Variants in CD8B2 observed in about 807,000 individuals in gnomAD.
CD8B2 encodes the protein CD8B family member 2.
CD8B2 carries 11 observed loss-of-function variants against 23.7 expected under a neutral mutation model. That is an observed-to-expected ratio of 0.46 (90% CI 0.29 to 0.77). The LOEUF (loss-of-function observed/expected upper bound fraction) is 0.77, where lower values mean the gene tolerates loss of function less well. Ranked by LOEUF, CD8B2 falls within the 30% of genes least tolerant of loss-of-function variation. CD8B2 has a pLI of 0.09. For missense variants in CD8B2, 197 were observed against 270.5 expected (o/e 0.73, Z 1.91); for synonymous variants, 90 against 109.3 (o/e 0.82, Z 1.10).
In CD8B2 at chr2:106,491,111, G is replaced by C. The variant is rs2228021; in HGVS notation, c.281G>C (p.Arg94Pro). Residue 94 changes from arginine (R) to proline (P), a missense_variant, in exon 2 of 6, where the codon CGG (arginine) becomes CCG (proline). Arg to Pro is a moderately radical substitution (Grantham distance 103). Around this residue, in one of 3 missense-constraint regions of CD8B2, gnomAD observed 140 missense variants for 164.2 expected, o/e 0.85. Coordinates refer to ENST00000643224, the MANE Select transcript of CD8B2 (RefSeq NM_001349727.2). ...EVEQEKIAVFRDASRFILNLT... is the reference protein window; with the variant it reads ...EVEQEKIAVFPDASRFILNLT... Reference sequence around the variant, plus strand: ...GAACAGGAGAAGATAGCTGTGTTTCGGGATGCAAGCCGGTTCATTCTCAAT... The same window carrying C: ...GAACAGGAGAAGATAGCTGTGTTTCCGGATGCAAGCCGGTTCATTCTCAAT... 1,043,142 of 1,599,402 alleles carry C rather than the reference G, an allele frequency of 0.65. 344,816 individuals are homozygous for C. The highest frequency in any genetic ancestry group is 0.99 in the East Asian group (44,336 of 44,640).
At chr2:106,500,553 TA>T (rs1558877224) in intron 3 of CD8B2, among the ~76,000 whole-genome samples, 22 of 150,988 alleles carry the variant, frequency 1.5e-4, no homozygotes, top group African/African-American at 5.3e-4. Flanking sequence ...AATAAATAAA[TA>T]AATAAATAAT....
At chr2:106,515,241 G>A (rs1036333159), downstream of CD8B2, among the ~76,000 whole-genome samples, 3 of 152,238 alleles carry the variant, frequency 2.0e-5, no homozygotes, top group Non-Finnish European at 4.4e-5. Flanking sequence ...CTGTCCTTGT[G>A]TAGCTGGGTT....
At chr2:106,515,345 C>T (rs950713883), downstream of CD8B2, among the ~76,000 whole-genome samples, 2 of 152,176 alleles carry the variant, frequency 1.3e-5, no homozygotes, top group Non-Finnish European at 2.9e-5. Context: ...TCATAGACTG[C>T]CCTGTTTGTG....
chr2:106,517,947 C>T (rs893289278), intron 5 of CD8B2, among the ~76,000 whole-genome samples: 7 of 152,136 alleles, frequency 4.6e-5, no homozygotes, highest in Non-Finnish European at 8.8e-5. Flanking sequence ...ATCTCCTGAC[C>T]TCGTGATCCG....
intron 5 of CD8B2, among the ~76,000 whole-genome samples, chr2:106,525,207 C>G (rs1196993509): frequency 1.3e-5 from 2 of 152,166 alleles, no homozygotes; most frequent in African/African-American, 4.8e-5. Context: ...AAAGCATTCA[C>G]TCATCCATAA....
chr2:106,490,542 A>T (rs1408833495), intron 1 of CD8B2, among the ~76,000 whole-genome samples: 2 of 152,196 alleles, frequency 1.3e-5, no homozygotes, highest in African/African-American at 2.4e-5. Flanking sequence ...CATGTCTTTT[A>T]AAAAATTCCA....
intron 3 of CD8B2, among the ~76,000 whole-genome samples, chr2:106,500,555 A>AATAT (rs1679386793): frequency 1.3e-5 from 2 of 151,280 alleles, no homozygotes; most frequent in Non-Finnish European, 3.0e-5. Flanking sequence ...TAAATAAATA[A>AATAT]ATAAATAATT....
chr2:106,528,464 A>G (rs1679946261), intron 5 of CD8B2, among the ~76,000 whole-genome samples: 1 of 152,174 alleles, frequency 6.6e-6, no homozygotes, highest in Non-Finnish European at 1.5e-5. Context: ...AGTTGCAGCT[A>G]CTTTCTTTTG....
chr2:106,537,751 G>A (rs1680111456), intron 5 of CD8B2, among the ~76,000 whole-genome samples: 2 of 152,196 alleles, frequency 1.3e-5, no homozygotes, highest in Admixed American at 1.3e-4. Flanking sequence ...GATTTCTGTT[G>A]TTGCCACCTC....
intron 5 of CD8B2, among the ~76,000 whole-genome samples, chr2:106,537,019 A>T (rs1195182109): frequency 1.3e-5 from 2 of 152,186 alleles, no homozygotes; most frequent in Non-Finnish European, 2.9e-5. Context: ...AATAGGACAC[A>T]TCTGTGCTGT....
downstream of CD8B2, among the ~76,000 whole-genome samples, chr2:106,515,293 C>T (rs79306582): frequency 1.3e-5 from 2 of 152,164 alleles, no homozygotes. Context: ...TAGGTGTAGC[C>T]TATTTCCTGG....
intron 1 of CD8B2, among the ~76,000 whole-genome samples, chr2:106,490,003 C>T (rs1679159679): frequency 6.6e-6 from 1 of 152,000 alleles, no homozygotes; most frequent in Admixed American, 6.6e-5. Flanking sequence ...ACTCCCAGCC[C>T]TGCTTCTGTG....
At chr2:106,492,218 C>T (rs1388918608) in intron 2 of CD8B2, among the ~76,000 whole-genome samples, 1 of 151,990 alleles carries the variant, frequency 6.6e-6, no homozygotes, top group African/African-American at 2.4e-5. Context: ...CCTCCATGAC[C>T]CACTTAATCC....
intron 5 of CD8B2, among the ~76,000 whole-genome samples, chr2:106,520,982 T>A (rs1573345582): frequency 8.7e-6 from 1 of 114,902 alleles, no homozygotes. Context: ...CAACTCTCTC[T>A]CTAAGAAAAA....
chr2:106,487,420 C>G lies in CD8B2; in HGVS notation c.-7C>G. On this transcript the variant is annotated 5_prime_UTR_variant, in exon 1 of 6. Transcript: ENST00000643224. The stretch of plus-strand genomic sequence containing the variant: ...CCCCCGGGGCCAGGTGTCCCGGGCG[C>G]GCCCCGATGCGGCCGCGGCTGTGGC... 2 of 1,239,578 alleles carry G rather than the reference C, an allele frequency of 1.6e-6. No homozygotes were observed. Among genetic ancestry groups the G allele is most frequent in the Non-Finnish European group, 1.0e-6 (1 of 992,294 alleles). The allele number at this position is 1,239,578 out of a possible 1,614,324, so 76.8% of individuals were successfully genotyped here.
At chr2:106,500,705 T>C (rs1679389859) in intron 3 of CD8B2, among the ~76,000 whole-genome samples, 1 of 152,120 alleles carries the variant, frequency 6.6e-6, no homozygotes, top group Non-Finnish European at 1.5e-5. Flanking sequence ...CGAGCCCAAA[T>C]CTGCAGCCTT....
Position 106,492,910 on chromosome 2 carries a change from G to T in CD8B2, c.403+1677G>T, listed in dbSNP as rs190621178. The stretch of plus-strand genomic sequence containing the variant: ...TGGACTTTGGGAGTTTGGGGTTTGG[G>T]GTTTGGCTTTAGCTTATTGTTTTTG... On this transcript the variant is annotated intron_variant, in intron 2 of 5. Coordinates refer to ENST00000643224, the MANE Select transcript of CD8B2 (RefSeq NM_001349727.2). 9.2e-5 allele frequency among the ~76,000 whole-genome samples: 14 copies of T among 152,214 alleles called. 1 individual carries two copies. The East Asian group carries it at 2.7e-3, about 29-fold the overall frequency.
chr2:106,487,521 C>G (rs942493627), intron 1 of CD8B2, 52 bp downstream of exon 1: 2 of 1,095,412 alleles, frequency 1.8e-6, no homozygotes, highest in African/African-American at 1.6e-5. Context: ...GGGGCCTGAG[C>G]GGGGAGGTGA....
chr2:106,536,976 GTC>G (rs572683309), intron 5 of CD8B2, among the ~76,000 whole-genome samples: 169 of 152,306 alleles, frequency 1.1e-3, no homozygotes, highest in African/African-American at 3.8e-3. Flanking sequence ...AGTGCAGTAC[GTC>G]TCTCAGAAGA....
Sources: gnomAD v4.1 joint callset for allele counts (sites outside exome capture counted in the v4.1 genomes callset) on GRCh38, gnomAD v4.1.1 for gene constraint, gnomAD v4.1.1 regional missense constraint, MANE v1.5 for transcripts, NCBI Gene and HGNC (gene_info 2026-07-23, HGNC 2026-07-21) for gene names.